The following PAQR3 variants were observed in gnomAD, a reference collection of about 807,000 sequenced individuals.
PAQR3 encodes the protein progestin and adipoQ receptor family member 3.
In PAQR3, 39 loss-of-function variants were observed where a neutral mutation model predicts 41.7. The ratio of observed to expected loss-of-function variants is 0.93; its 90% CI spans 0.72 to 1.22. The LOEUF (loss-of-function observed/expected upper bound fraction) is 1.22. Ranked by LOEUF, PAQR3 falls within the 50% of genes most tolerant of loss-of-function variation. The pLI is 0.00. For missense variants in PAQR3, 366 were observed against 385.6 expected (o/e 0.95, Z 0.42); for synonymous variants, 140 against 140.6 (o/e 1.00, Z 0.03).
At chr4:78,907,904 C>T (rs758264441), downstream of PAQR3, among the ~76,000 whole-genome samples, 4 of 152,072 alleles carry the variant, frequency 2.6e-5, no homozygotes, top group Admixed American at 1.3e-4. Context: ...AGGAGTAATA[C>T]GTTAAACGTT....
At chr4:78,921,106 T>C (rs1735620538) in intron 5 of PAQR3, among the ~76,000 whole-genome samples, 1 of 151,946 alleles carries the variant, frequency 6.6e-6, no homozygotes, top group Non-Finnish European at 1.5e-5. Context: ...TATAAACCTA[T>C]TAGAAGCACT....
chr4:78,911,876 G>C, downstream of PAQR3: 1 of 1,613,890 alleles, frequency 6.2e-7, no homozygotes, highest in Non-Finnish European at 8.5e-7. Context: ...TCACTACATG[G>C]GTCATTCCAT....
intron 5 of PAQR3, chr4:78,921,517 G>T: frequency 4.0e-6 from 1 of 248,218 alleles, no homozygotes; most frequent in Non-Finnish European, 6.4e-6. Flanking sequence ...GACGCCTCTG[G>T]CAGTCTAGTG....
rs577981157 is a variant in PAQR3, at chr4:78,939,225, C to G, written c.-1G>C. The G allele has an allele frequency of 7.0e-6, 11 of 1,577,714 alleles. No individual in the cohort carries two copies. In the South Asian group the frequency reaches 1.3e-4, roughly 18 times the overall value. The stretch of plus-strand genomic sequence containing the variant: ...CGCTCTTCAGCAGCTTCTGATGCAT[C>G]GTTCCCGGCCGCCGCCGCTCCCCGG... On this transcript the variant is annotated 5_prime_UTR_variant, in exon 1 of 6. Transcript: ENST00000512733.
At chr4:78,910,523 T>C (rs1734532053), downstream of PAQR3, 2 of 1,086,108 alleles carry the variant, frequency 1.8e-6, no homozygotes, top group Non-Finnish European at 2.6e-6. Context: ...GGATTTGTAA[T>C]GCCATGTGTA....
chr4:78,923,911 C>G lies in PAQR3; in HGVS notation c.739G>C (p.Ala247Pro). 6.2e-7 allele frequency: 1 copy of G among 1,613,276 alleles called. No homozygotes were observed. The highest frequency in any genetic ancestry group is 8.5e-7 in the Non-Finnish European group (1 of 1,179,448). Residue 247 changes from alanine (A) to proline (P), a missense_variant, in exon 5 of 6, where the codon GCT (alanine) becomes CCT (proline). By Grantham distance (27) the Ala-to-Pro change is conservative. Transcript: ENST00000512733. Reference protein sequence around the residue: ...APRVIVMYMIALLAFLFYISK... With the variant: ...APRVIVMYMIPLLAFLFYISK... The stretch of plus-strand genomic sequence containing the variant: ...ATGTAGAATAGGAAAGCAAGAAGAG[C>G]AATCATATACATCACAATTACACGG...
chr4:78,899,067 C>T (rs1041996811), intron 11 of PAQR3: 1 of 152,216 alleles, frequency 6.6e-6, no homozygotes, highest in Non-Finnish European at 1.5e-5. Context: ...TAGAGCAGGT[C>T]AAAACTCCGG....
In PAQR3 at chr4:78,939,295, G is replaced by A; in HGVS notation, c.-71C>T. Reference sequence around the variant, plus strand: ...CCCGCCTCCCCGGGGAGGGGGCTTCGCCGCTGGCGCCCCCGCCCCGGAGCC... The same window carrying A: ...CCCGCCTCCCCGGGGAGGGGGCTTCACCGCTGGCGCCCCCGCCCCGGAGCC... On this transcript the variant is annotated 5_prime_UTR_variant, in exon 1 of 6. Coordinates refer to ENST00000512733, the MANE Select transcript of PAQR3 (RefSeq NM_001040202.2). 5 of 1,403,826 alleles carry A rather than the reference G, an allele frequency of 3.6e-6. No individual in the cohort carries two copies. Among genetic ancestry groups the A allele is most frequent in the African/African-American group, 1.5e-5 (1 of 66,060 alleles). 87.0% of individuals were successfully genotyped at this position (1,403,826 alleles called of 1,614,324 possible).
intron 4 of PAQR3, among the ~76,000 whole-genome samples, chr4:78,925,505 T>C (rs1465146329): frequency 1.3e-5 from 2 of 152,184 alleles, no homozygotes; most frequent in African/African-American, 4.8e-5. Flanking sequence ...ATTGGCCAAG[T>C]AGCCAGATTA....
chr4:78,900,322 T>C (rs573660421), intron 11 of PAQR3, among the ~76,000 whole-genome samples: 3 of 152,354 alleles, frequency 2.0e-5, no homozygotes, highest in African/African-American at 7.2e-5. Flanking sequence ...AGTTAAGTTT[T>C]TGAGGAGTTA....
intron 1 of PAQR3, among the ~76,000 whole-genome samples, chr4:78,936,127 T>C (rs987554460): frequency 1.3e-5 from 2 of 152,344 alleles, no homozygotes; most frequent in Admixed American, 6.5e-5. Flanking sequence ...TATACAGTAA[T>C]GGAGCTTCAT....
chr4:78,933,434 GGAGT>G (rs34224435), intron 2 of PAQR3, among the ~76,000 whole-genome samples: 101,037 of 151,538 alleles, frequency 0.67, 36,171 homozygotes, highest in Non-Finnish European at 0.8. Flanking sequence ...CAGAAGCATA[GGAGT>G]GAGAAAAATG....
intron 3 of PAQR3, among the ~76,000 whole-genome samples, chr4:78,929,148 G>T (rs1046469196): frequency 2.6e-5 from 4 of 152,176 alleles, no homozygotes; most frequent in African/African-American, 9.7e-5. Context: ...AGCTTCTGGG[G>T]GTTGGTGACC....
At chr4:78,910,964 A>G (rs774691327), downstream of PAQR3, 3 of 1,613,666 alleles carry the variant, frequency 1.9e-6, no homozygotes, top group Non-Finnish European at 8.5e-7. Context: ...GATTCTGATT[A>G]TGAGCAGGCT....
At chr4:78,907,390 G>A (rs1734338019), downstream of PAQR3, among the ~76,000 whole-genome samples, 1 of 152,150 alleles carries the variant, frequency 6.6e-6, no homozygotes, top group African/African-American at 2.4e-5. Flanking sequence ...GGAGTACAAT[G>A]TAATAATTTT....
chr4:78,922,756 C>A (rs1735783017), intron 5 of PAQR3: 1 of 371,084 alleles, frequency 2.7e-6, no homozygotes, highest in Non-Finnish European at 5.3e-6. Context: ...CTTACCCTAA[C>A]CCTGGGGGGA....
intron 3 of PAQR3, 128 bp from the exon 4 acceptor site, chr4:78,926,846 A>T (rs1736289761): frequency 1.3e-6 from 1 of 776,584 alleles, no homozygotes; most frequent in Non-Finnish European, 2.1e-6. Flanking sequence ...AAATAGGATT[A>T]TCTCCCTTCA....
In PAQR3 at chr4:78,920,397, CTTTT is replaced by C. The variant is rs539049858; in HGVS notation, c.*138_*141del. ...TTATTACTACAGATCCTTAAGTATACTTTTTTTCCCATTTTTATAAAGCATTACT... is the reference window on the plus strand; with the variant it reads ...TTATTACTACAGATCCTTAAGTATACTTTCCCATTTTTATAAAGCATTACT... On this transcript the variant is annotated 3_prime_UTR_variant, in exon 6 of 6. Transcript: ENST00000512733. 713 of 1,300,222 alleles carry C rather than the reference CTTTT, an allele frequency of 5.5e-4. 1 individual carries two copies. The highest frequency in any genetic ancestry group is 9.4e-4 in the Admixed American group (27 of 28,848). 80.5% of individuals were successfully genotyped at this position (1,300,222 alleles called of 1,614,324 possible).
rs1241022953 is a variant in PAQR3 at position 78,912,989 on chromosome 4, A to C, written c.*7550T>G. 2 of 152,110 alleles carry C rather than the reference A, an allele frequency of 1.3e-5. No homozygotes were observed. The highest frequency in any genetic ancestry group is 4.8e-5 in the African/African-American group (2 of 41,380). The allele number at this position is 152,110 out of a possible 1,614,324, so 9.4% of individuals were successfully genotyped here. ...ATTGGAGGACAAGGGTTGTATAAAAATTTTATTTTATGAAGAAAATATGTA... is the reference window on the plus strand; with the variant it reads ...ATTGGAGGACAAGGGTTGTATAAAACTTTTATTTTATGAAGAAAATATGTA... On this transcript the variant is annotated 3_prime_UTR_variant, in exon 6 of 6. Transcript: ENST00000512733.
Sources: gnomAD v4.1 joint callset for allele counts (sites outside exome capture counted in the v4.1 genomes callset) on GRCh38, gnomAD v4.1.1 for gene constraint, MANE v1.5 for transcripts, NCBI Gene and HGNC (gene_info 2026-07-23, HGNC 2026-07-21) for gene names.